RWDD1: variants seen among roughly 807,000 people sequenced by gnomAD.
RWDD1 encodes the protein RWD domain-containing protein 1.
RWDD1 carries 17 observed loss-of-function variants against 31.6 expected under a neutral mutation model. That is an observed-to-expected ratio of 0.54 (90% CI 0.37 to 0.81). The LOEUF (loss-of-function observed/expected upper bound fraction) is 0.81. RWDD1 is among the 30% of genes least tolerant of loss of function. The pLI, the probability that RWDD1 is intolerant of heterozygous loss-of-function variation, is 0.00. For synonymous variants in RWDD1, 78 were observed against 94.2 expected (o/e 0.83, Z 0.99); for missense variants, 204 against 274.5 (o/e 0.74, Z 1.82).
intron 2 of RWDD1, 80 bp from the exon 3 acceptor site, chr6:116,584,647 C>A: frequency 8.0e-7 from 1 of 1,250,338 alleles, no homozygotes; most frequent in Non-Finnish European, 1.1e-6. Flanking sequence ...ATCTATTGTG[C>A]TACTTTCTAC....
intron 6 of RWDD1, among the ~76,000 whole-genome samples, chr6:116,592,345 T>A (rs1775159533): frequency 6.6e-6 from 1 of 152,224 alleles, no homozygotes; most frequent in Admixed American, 6.5e-5. Flanking sequence ...ATCATGAAGA[T>A]ATTTCAGACT....
chr6:116,584,807 A>G lies in RWDD1; in HGVS notation c.220A>G (p.Asn74Asp). The change falls in exon 3 of 7, where the codon AAT (asparagine) becomes GAT (aspartate). Residue 74 changes from asparagine to aspartate, a missense_variant. Asn to Asp is a conservative substitution (Grantham distance 23). Coordinates refer to ENST00000466444, the MANE Select transcript of RWDD1 (RefSeq NM_015952.4). Reference sequence around the variant, plus strand: ...CCTTTATGAAATATTCTCCCAGGAAAATCTAGAAGATAATGATGTCTCAGA... The same window carrying G: ...CCTTTATGAAATATTCTCCCAGGAAGATCTAGAAGATAATGATGTCTCAGA... ...APLYEIFSQE[N>D]LEDNDVSDIL... The G allele has an allele frequency of 6.3e-6, 10 of 1,598,004 alleles. No homozygotes were observed. Among genetic ancestry groups the G allele is most frequent in the Non-Finnish European group, 8.6e-6 (10 of 1,165,584 alleles).
intron 1 of RWDD1, 103 bp from the exon 2 acceptor site, chr6:116,580,192 C>A: frequency 1.6e-6 from 1 of 625,622 alleles, no homozygotes. Flanking sequence ...GGAAATATAG[C>A]CTAGGGACCA....
intron 4 of RWDD1, 128 bp downstream of exon 4, chr6:116,589,113 A>G (rs1022884393): frequency 2.4e-6 from 2 of 828,126 alleles, no homozygotes; most frequent in African/African-American, 3.6e-5. Context: ...AGTAAATTTT[A>G]GTAAAGTTTC....
intron 4 of RWDD1, among the ~76,000 whole-genome samples, chr6:116,589,348 G>A (rs1474901297): frequency 6.6e-6 from 1 of 152,020 alleles, no homozygotes; most frequent in Non-Finnish European, 1.5e-5. Flanking sequence ...TAGCTGATGA[G>A]CTAAAAAAAA....
intron 1 of RWDD1, 106 bp from the exon 2 acceptor site, chr6:116,580,189 T>C (rs1774923763): frequency 1.7e-6 from 1 of 590,062 alleles, no homozygotes; most frequent in South Asian, 2.7e-5. Flanking sequence ...AATGGAAATA[T>C]AGCCTAGGGA....
chr6:116,572,705 A>G (rs952896633), intron 1 of RWDD1, among the ~76,000 whole-genome samples: 1 of 152,182 alleles, frequency 6.6e-6, no homozygotes, highest in African/African-American at 2.4e-5. Flanking sequence ...AGTGTTGCCT[A>G]TCGTTGATAG....
intron 5 of RWDD1, 41 bp downstream of exon 5, chr6:116,590,445 T>C: frequency 6.6e-7 from 1 of 1,512,904 alleles, no homozygotes; most frequent in Non-Finnish European, 8.8e-7. Flanking sequence ...TAAACCCTCC[T>C]GTATCATTTT....
chr6:116,589,805 A>G (rs1428496257), intron 4 of RWDD1, among the ~76,000 whole-genome samples: 1 of 152,146 alleles, frequency 6.6e-6, no homozygotes, highest in African/African-American at 2.4e-5. Context: ...AACCCCTGAT[A>G]AACCCATCAG....
At chr6:116,585,212 T>G (rs914143861) in intron 3 of RWDD1, among the ~76,000 whole-genome samples, 5 of 152,122 alleles carry the variant, frequency 3.3e-5, no homozygotes, top group African/African-American at 1.2e-4. Flanking sequence ...TTTAAAAAAA[T>G]TAAAACTTCT....
chr6:116,573,407 T>G (rs72963102), intron 1 of RWDD1, among the ~76,000 whole-genome samples: 4,605 of 152,276 alleles, frequency 0.03, 94 homozygotes, highest in Middle Eastern at 0.099. Context: ...CATTCAGGTA[T>G]TCTGCATTAT....
chr6:116,589,418 A>G (rs1330006887), intron 4 of RWDD1, among the ~76,000 whole-genome samples: 1 of 152,204 alleles, frequency 6.6e-6, no homozygotes, highest in Non-Finnish European at 1.5e-5. Flanking sequence ...CCACATTCAA[A>G]GCTGTCCTGG....
At position 116,597,044 on chromosome 6, in the gene RWDD1, A is replaced by G. The variant is rs891953081; in HGVS notation, c.*3943A>G. 4 of 152,194 alleles carry G rather than the reference A, an allele frequency of 2.6e-5. No homozygotes were observed. Among genetic ancestry groups the G allele is most frequent in the Non-Finnish European group, 1.5e-5 (1 of 68,034 alleles). The allele number at this position is 152,194 out of a possible 1,614,324, so 9.4% of individuals were successfully genotyped here. Reference sequence around the variant, plus strand: ...TCCACGGTACTGAACCATCAATGCTAAATGGTATTTAGTTGTGGATCTTCA... The same window carrying G: ...TCCACGGTACTGAACCATCAATGCTGAATGGTATTTAGTTGTGGATCTTCA... On this transcript the variant is annotated 3_prime_UTR_variant, in exon 7 of 7. Coordinates refer to ENST00000466444, the MANE Select transcript of RWDD1 (RefSeq NM_015952.4).
Position 116,584,874 on chromosome 6 carries a change from T to G in RWDD1, c.270+17T>G, listed in dbSNP as rs776697305. The G allele has an allele frequency of 1.3e-6, 2 of 1,549,584 alleles. No homozygotes were observed. Among genetic ancestry groups the G allele is most frequent in the Admixed American group, 1.7e-5 (1 of 57,894 alleles). On this transcript the variant is annotated intron_variant, in intron 3 of 6. Transcript: ENST00000466444. Reference sequence around the variant, plus strand: ...GCATTACAGGTAAGGAAATAATAATTTTATGTTTTGTAGCAGCATTTATTG... The same window carrying G: ...GCATTACAGGTAAGGAAATAATAATGTTATGTTTTGTAGCAGCATTTATTG...
In RWDD1 at chr6:116,581,477, C is replaced by T. The variant is rs528770367; in HGVS notation, c.139+1117C>T. On this transcript the variant is annotated intron_variant, in intron 2 of 6. Coordinates refer to ENST00000466444, the MANE Select transcript of RWDD1 (RefSeq NM_015952.4). ...TAGCTTTATTAGGAGCTAGTAATAG[C>T]TCTATGAAATAGGTGTACTCAGTGC... Among the ~76,000 whole-genome samples, 112 of 152,130 alleles carry T rather than the reference C, an allele frequency of 7.4e-4. 3 individuals carry two copies. In the South Asian group the frequency reaches 0.021, roughly 29 times the overall value.
In RWDD1 at chr6:116,594,497, AT is replaced by A. The variant is rs1157732255; in HGVS notation, c.*1397del. The stretch of plus-strand genomic sequence containing the variant: ...CATACTGGTTCTACAGATTATTCTG[AT>A]GCACAATCTGGGTTAAGAACCACTG... On this transcript the variant is annotated 3_prime_UTR_variant, in exon 7 of 7. Coordinates refer to ENST00000466444, the MANE Select transcript of RWDD1 (RefSeq NM_015952.4). The A allele has an allele frequency of 6.6e-5, 10 of 152,334 alleles. No individual in the cohort carries two copies. Among genetic ancestry groups the A allele is most frequent in the African/African-American group, 2.4e-4 (10 of 41,572 alleles). The allele number at this position is 152,334 out of a possible 1,614,324, so 9.4% of individuals were successfully genotyped here. A position where few individuals can be genotyped will look rare whatever the true frequency, so the allele number is the denominator to read the frequency against.
At chr6:116,583,455 C>G (rs1052253715) in intron 2 of RWDD1, among the ~76,000 whole-genome samples, 2 of 152,140 alleles carry the variant, frequency 1.3e-5, no homozygotes, top group Admixed American at 1.3e-4. Flanking sequence ...AACATAGTGA[C>G]TATAATTAAT....
intron 4 of RWDD1, among the ~76,000 whole-genome samples, chr6:116,589,970 T>C (rs947875478): frequency 1.5e-4 from 23 of 152,230 alleles, no homozygotes; most frequent in African/African-American, 5.5e-4. Context: ...CCAAACCATA[T>C]CAGACAGCAA....
chr6:116,578,068 A>G (rs143941026), intron 1 of RWDD1, among the ~76,000 whole-genome samples: 78 of 152,268 alleles, frequency 5.1e-4, no homozygotes, highest in Non-Finnish European at 1.0e-3. Context: ...TCAGCTGGAA[A>G]TATGTTTTCT....
Sources: gnomAD v4.1 joint callset for allele counts (sites outside exome capture counted in the v4.1 genomes callset) on GRCh38, gnomAD v4.1.1 for gene constraint, MANE v1.5 for transcripts, NCBI Gene and HGNC (gene_info 2026-07-23, HGNC 2026-07-21) for gene names.